The following ZBTB39 variants were observed in gnomAD, a reference collection of about 807,000 sequenced individuals.
ZBTB39 encodes zinc finger and BTB domain-containing protein 39.
In ZBTB39, 25 loss-of-function variants were observed where a neutral mutation model predicts 39.4. The observed-to-expected ratio is 0.63, with a 90% CI of 0.46 to 0.89. The LOEUF is 0.89. ZBTB39 is among the 40% of genes least tolerant of loss of function. The pLI is 0.00. For synonymous variants in ZBTB39, 373 were observed against 359.6 expected (o/e 1.04, Z -0.42); for missense variants, 891 against 909.7 (o/e 0.98, Z 0.26).
rs117244087 is a variant in ZBTB39, at chr12:57,000,446, A to C, written c.*2333T>G. On this transcript the variant is annotated 3_prime_UTR_variant, in exon 2 of 2. Transcript: ENST00000300101. ...CATCCATGATGCCCTCTGTTAAGGA[A>C]AAAGGTTTCTCCAGCACATTTATCT... The C allele has an allele frequency of 2.6e-5, 4 of 152,758 alleles. No individual in the cohort carries two copies. The East Asian group carries it at 7.7e-4, about 29-fold the overall frequency. 9.5% of individuals were successfully genotyped at this position (152,758 alleles called of 1,614,324 possible). A position where few individuals can be genotyped will look rare whatever the true frequency, so the allele number is the denominator to read the frequency against.
chr12:57,004,936 A>G lies in ZBTB39; in HGVS notation c.-19T>C. ...TGCCCATCTTAGCAGCTCCTATGAA[A>G]TTACCTCCTTATCAGCACAGTTAAT... On this transcript the variant is annotated 5_prime_UTR_variant, in exon 2 of 2. Coordinates refer to ENST00000300101, the MANE Select transcript of ZBTB39 (RefSeq NM_014830.3). The G allele has an allele frequency of 6.4e-7, 1 of 1,566,098 alleles. No individual in the cohort carries two copies. Among genetic ancestry groups the G allele is most frequent in the South Asian group, 1.2e-5 (1 of 83,090 alleles).
intron 1 of ZBTB39, among the ~76,000 whole-genome samples, chr12:57,005,283 T>C (rs1956238458): frequency 6.6e-6 from 1 of 152,250 alleles, no homozygotes; most frequent in African/African-American, 2.4e-5. Flanking sequence ...ATTTTTCTCC[T>C]ATTAATTTCC....
In ZBTB39 at chr12:57,004,861, T is replaced by C. The variant is rs1956236168; in HGVS notation, c.57A>G (p.Glu19=). 6.2e-7 allele frequency: 1 copy of C among 1,613,104 alleles called. No individual in the cohort carries two copies. The highest frequency in any genetic ancestry group is 1.3e-5 in the African/African-American group (1 of 74,892). The change falls in exon 2 of 2, where the codon GAA becomes GAG. Residue 19 remains glutamate (E), a synonymous_variant. Transcript: ENST00000300101. Reference sequence around the variant, plus strand: ...TCTCTGAGAGCCGGCACTTGTTGAGTTCCTTCAGCAGGTTGTTGGGGTGGT... The same window carrying C: ...TCTCTGAGAGCCGGCACTTGTTGAGCTCCTTCAGCAGGTTGTTGGGGTGGT... ...STNHPNNLLK[E]LNKCRLSETM... is the part of the protein sequence containing the mutation.
Position 57,002,548 on chromosome 12 carries a change from G to A in ZBTB39, c.*231C>T. ...CAGCCTCAAAAGAATGAAAAACATA[G>A]CCCTGCATGGGCAAGAACAGGTATG... On this transcript the variant is annotated 3_prime_UTR_variant, in exon 2 of 2. Transcript: ENST00000300101. 1.8e-6 allele frequency: 1 copy of A among 552,484 alleles called. No homozygotes were observed. The highest frequency in any genetic ancestry group is 3.2e-6 in the Non-Finnish European group (1 of 313,486). 34.2% of individuals were successfully genotyped at this position (552,484 alleles called of 1,614,324 possible).
chr12:57,002,770 G>C lies in ZBTB39; in HGVS notation c.*9C>G. On this transcript the variant is annotated 3_prime_UTR_variant, in exon 2 of 2. Transcript: ENST00000300101. The stretch of plus-strand genomic sequence containing the variant: ...CTTGGGAGCTCCCCGTGGCTCTGCC[G>C]GGACCCAGTCAACTGTCCGGGTTCT... 6.2e-6 allele frequency: 10 copies of C among 1,608,074 alleles called. No homozygotes were observed. The highest frequency in any genetic ancestry group is 8.5e-6 in the Non-Finnish European group (10 of 1,175,452).
intron 1 of ZBTB39, among the ~76,000 whole-genome samples, chr12:57,005,904 T>G (rs1334225623): frequency 2.0e-5 from 3 of 152,208 alleles, no homozygotes; most frequent in Non-Finnish European, 2.9e-5. Flanking sequence ...CTCCAGATTC[T>G]AACAACTCCC....
In ZBTB39 at chr12:57,004,681, G is replaced by A. The variant is rs1443114198; in HGVS notation, c.237C>T (p.Asn79=). ...TYVVDFITPA[N]FEKVLSFVYT... is the part of the protein sequence containing the mutation. ...AGACAAAGCTCAGAACCTTCTCAAA[G>A]TTGGCAGGGGTGATGAAGTCCACCA... The change falls in exon 2 of 2, where the codon AAC becomes AAT. Residue 79 remains asparagine, a synonymous_variant. Transcript: ENST00000300101. 1 of 1,614,120 alleles carries A rather than the reference G, an allele frequency of 6.2e-7. No homozygotes were observed. The highest frequency in any genetic ancestry group is 2.2e-5 in the East Asian group (1 of 44,898).
Position 57,001,998 on chromosome 12 carries a change from G to C in ZBTB39, c.*781C>G, listed in dbSNP as rs1003628490. The C allele has an allele frequency of 6.6e-6, 1 of 152,568 alleles. No homozygotes were observed. Among genetic ancestry groups the C allele is most frequent in the Non-Finnish European group, 1.5e-5 (1 of 68,052 alleles). 9.5% of individuals were successfully genotyped at this position (152,568 alleles called of 1,614,324 possible). A position where few individuals can be genotyped will look rare whatever the true frequency, so the allele number is the denominator to read the frequency against. The stretch of plus-strand genomic sequence containing the variant: ...ATCCTCTCTGCCCCACAGAAGGCCG[G>C]ACGTCCCGGGCCATCACTCCATAAA... On this transcript the variant is annotated 3_prime_UTR_variant, in exon 2 of 2. Coordinates refer to ENST00000300101, the MANE Select transcript of ZBTB39 (RefSeq NM_014830.3).
rs1021400427 is a variant in ZBTB39, at chr12:57,006,427, A to G, written c.-67T>C. The G allele has an allele frequency of 1.3e-5, 2 of 149,512 alleles. No homozygotes were observed. The highest frequency in any genetic ancestry group is 3.0e-5 in the Non-Finnish European group (2 of 66,644). 9.3% of individuals were successfully genotyped at this position (149,512 alleles called of 1,614,324 possible). On this transcript the variant is annotated 5_prime_UTR_variant, in exon 1 of 2. Coordinates refer to ENST00000300101, the MANE Select transcript of ZBTB39 (RefSeq NM_014830.3). ...TACCCGGCTCTGCGGCGCCCCGAGC[A>G]CCATCGCCGCCGCCGCTTCACACAA...
At position 57,002,311 on chromosome 12, in the gene ZBTB39, G is replaced by C. The variant is rs2136408785; in HGVS notation, c.*468C>G. ...ACTGCCCTGCTGACCTGTCTTTTCTGAATGATCACATTCCCAAAATCTTTC... is the reference window on the plus strand; with the variant it reads ...ACTGCCCTGCTGACCTGTCTTTTCTCAATGATCACATTCCCAAAATCTTTC... On this transcript the variant is annotated 3_prime_UTR_variant, in exon 2 of 2. Transcript: ENST00000300101. 6.1e-6 allele frequency: 1 copy of C among 165,282 alleles called. No individual in the cohort carries two copies. The highest frequency in any genetic ancestry group is 1.7e-4 in the East Asian group (1 of 5,926). The allele number at this position is 165,282 out of a possible 1,614,324, so 10.2% of individuals were successfully genotyped here.
In ZBTB39 at chr12:57,003,790, G is replaced by C. The variant is rs1272771296; in HGVS notation, c.1128C>G (p.Val376=). The C allele has an allele frequency of 1.2e-5, 20 of 1,614,126 alleles. No individual in the cohort carries two copies. The highest frequency in any genetic ancestry group is 1.7e-5 in the Non-Finnish European group (20 of 1,180,050). ...HVDLLTGNCK[V]CETHFQDRNS... Reference sequence around the variant, plus strand: ...TTCGGTCCTGGAAGTGGGTCTCGCAGACCTTGCAGTTGCCCGTCAGCAGGT... The same window carrying C: ...TTCGGTCCTGGAAGTGGGTCTCGCACACCTTGCAGTTGCCCGTCAGCAGGT... The change falls in exon 2 of 2, where the codon GTC becomes GTG. Residue 376 remains valine (V), a synonymous_variant. Transcript: ENST00000300101. The surrounding 1 kb of genome is among the most constrained non-coding windows in gnomAD (Gnocchi z 4.8).
rs1220550159 is a variant in ZBTB39, at chr12:57,005,067, G to A, written c.-44-106C>T. 5.2e-6 allele frequency: 4 copies of A among 767,020 alleles called. No individual in the cohort carries two copies. In the South Asian group the frequency reaches 6.2e-5, roughly 12 times the overall value. 47.5% of individuals were successfully genotyped at this position (767,020 alleles called of 1,614,324 possible). A position where few individuals can be genotyped will look rare whatever the true frequency, so the allele number is the denominator to read the frequency against. On this transcript the variant is annotated intron_variant, in intron 1 of 1. Coordinates refer to ENST00000300101, the MANE Select transcript of ZBTB39 (RefSeq NM_014830.3). ...TCTGAATGCTTCCAAGCCCCAGGTA[G>A]GGATCAGGAGTAAACTGGCATGGAG...
chr12:57,006,452 A>G lies in ZBTB39; in HGVS notation c.-92T>C, dbSNP rs1956246497. 1 of 148,418 alleles carries G rather than the reference A, an allele frequency of 6.7e-6. No individual in the cohort carries two copies. The highest frequency in any genetic ancestry group is 1.5e-5 in the Non-Finnish European group (1 of 66,150). 9.2% of individuals were successfully genotyped at this position (148,418 alleles called of 1,614,324 possible). A position where few individuals can be genotyped will look rare whatever the true frequency, so the allele number is the denominator to read the frequency against. ...ACCATCGCCGCCGCCGCTTCACACAAAGGCCCCGGCCCGCCGTGCCCGGCC... is the reference window on the plus strand; with the variant it reads ...ACCATCGCCGCCGCCGCTTCACACAGAGGCCCCGGCCCGCCGTGCCCGGCC... On this transcript the variant is annotated 5_prime_UTR_variant, in exon 1 of 2. Coordinates refer to ENST00000300101, the MANE Select transcript of ZBTB39 (RefSeq NM_014830.3).
rs1202508720 is a variant in ZBTB39, at chr12:57,006,540, A to G, written c.-180T>C. 1 of 142,054 alleles carries G rather than the reference A, an allele frequency of 7.0e-6. No individual in the cohort carries two copies. The highest frequency in any genetic ancestry group is 2.5e-5 in the African/African-American group (1 of 39,526). The allele number at this position is 142,054 out of a possible 1,614,324, so 8.8% of individuals were successfully genotyped here. A position where few individuals can be genotyped will look rare whatever the true frequency, so the allele number is the denominator to read the frequency against. On this transcript the variant is annotated 5_prime_UTR_variant, in exon 1 of 2. Transcript: ENST00000300101. Reference sequence around the variant, plus strand: ...TCCATCCGCCGCGCGGCTCGCCGCGACGGCCCGGGCCGCCCCCGCCGCCCG... The same window carrying G: ...TCCATCCGCCGCGCGGCTCGCCGCGGCGGCCCGGGCCGCCCCCGCCGCCCG...
At position 57,002,731 on chromosome 12, in the gene ZBTB39, C is replaced by G; in HGVS notation, c.*48G>C. On this transcript the variant is annotated 3_prime_UTR_variant, in exon 2 of 2. Coordinates refer to ENST00000300101, the MANE Select transcript of ZBTB39 (RefSeq NM_014830.3). ...GGGACCAACACCTCTTAGATATCAGCATCCTGGCTGCTGCTTGGGAGCTCC... is the reference window on the plus strand; with the variant it reads ...GGGACCAACACCTCTTAGATATCAGGATCCTGGCTGCTGCTTGGGAGCTCC... The G allele has an allele frequency of 6.4e-7, 1 of 1,562,514 alleles. No individual in the cohort carries two copies. The highest frequency in any genetic ancestry group is 8.7e-7 in the Non-Finnish European group (1 of 1,144,888).
chr12:57,002,125 G>A lies in ZBTB39; in HGVS notation c.*654C>T, dbSNP rs1486440933. The A allele has an allele frequency of 4.6e-5, 7 of 152,766 alleles. 1 individual carries two copies. The East Asian group carries it at 1.3e-3, about 29-fold the overall frequency. The allele number at this position is 152,766 out of a possible 1,614,324, so 9.5% of individuals were successfully genotyped here. ...AGGACACCCCTTCTGGCTGGCAGGGGTTCATCCCAAAGCTTTCTGACCTAA... is the reference window on the plus strand; with the variant it reads ...AGGACACCCCTTCTGGCTGGCAGGGATTCATCCCAAAGCTTTCTGACCTAA... On this transcript the variant is annotated 3_prime_UTR_variant, in exon 2 of 2. Transcript: ENST00000300101.
Position 57,004,700 on chromosome 12 carries a change from T to C in ZBTB39, c.218A>G (p.Asp73Gly). The change falls in exon 2 of 2, where the codon GAC becomes GGC. Residue 73 changes from aspartate (D) to glycine (G), a missense_variant. Physicochemically the swap from Asp to Gly is moderately conservative, Grantham distance 94. Transcript: ENST00000300101. ...GLDAARTYVV[D>G]FITPANFEKV... ...CTCAAAGTTGGCAGGGGTGATGAAG[T>C]CCACCACATAGGTCCTGGCAGCATC... 1.9e-6 allele frequency: 3 copies of C among 1,614,200 alleles called. No homozygotes were observed. The highest frequency in any genetic ancestry group is 2.5e-6 in the Non-Finnish European group (3 of 1,180,030).
rs1040608591 is a variant in ZBTB39, at chr12:57,001,465, G to A, written c.*1314C>T. ...TGGCACCTCACAAGTATGCAAGATCGAGGGCCCTATCCCTCAAGACTTCTT... is the reference window on the plus strand; with the variant it reads ...TGGCACCTCACAAGTATGCAAGATCAAGGGCCCTATCCCTCAAGACTTCTT... On this transcript the variant is annotated 3_prime_UTR_variant, in exon 2 of 2. Coordinates refer to ENST00000300101, the MANE Select transcript of ZBTB39 (RefSeq NM_014830.3). 1.3e-5 allele frequency: 2 copies of A among 152,608 alleles called. No individual in the cohort carries two copies. Among genetic ancestry groups the A allele is most frequent in the African/African-American group, 2.4e-5 (1 of 41,426 alleles). The allele number at this position is 152,608 out of a possible 1,614,324, so 9.5% of individuals were successfully genotyped here.
intron 1 of ZBTB39, 23 bp from the exon 2 acceptor site, chr12:57,004,984 A>C (rs1336678872): frequency 6.7e-7 from 1 of 1,483,762 alleles, no homozygotes; most frequent in Non-Finnish European, 9.1e-7. Flanking sequence ...AGAGAAAAAG[A>C]TGGATGGCCA....
Sources: allele counts gnomAD v4.1 joint callset (sites outside exome capture counted in the v4.1 genomes callset), GRCh38; gene constraint gnomAD v4.1.1; non-coding constraint Gnocchi (gnomAD v3.1); transcripts MANE v1.5; gene names NCBI Gene and HGNC (gene_info 2026-07-23, HGNC 2026-07-21).